The following GCAT variants were observed in gnomAD, a reference collection of about 807,000 sequenced individuals.
GCAT encodes 2-amino-3-ketobutyrate coenzyme A ligase, mitochondrial.
A neutral mutation model predicts 39.7 loss-of-function variants in GCAT; 26 were observed. That is an observed-to-expected ratio of 0.65 (90% CI 0.48 to 0.91). GCAT has a LOEUF of 0.91. GCAT is among the 40% of genes least tolerant of loss of function. GCAT has a pLI of 0.00. For synonymous variants in GCAT, 218 were observed against 237.2 expected (o/e 0.92, Z 0.74); for missense variants, 550 against 576.2 (o/e 0.95, Z 0.47).
chr22:37,810,759 CCCACCTTGG>C (rs900695714), intron 2 of GCAT, among the ~76,000 whole-genome samples: 1 of 152,106 alleles, frequency 6.6e-6, no homozygotes, highest in Non-Finnish European at 1.5e-5. Flanking sequence ...TCGTGATCCA[CCCACCTTGG>C]CCTCCCAAAG....
In GCAT at chr22:37,812,995, G is replaced by A. The variant is rs1165628652; in HGVS notation, c.429+7G>A. On this transcript the variant is annotated splice_region_variant and intron_variant, in intron 3 of 8. Coordinates refer to ENST00000248924, the MANE Select transcript of GCAT (RefSeq NM_014291.4). The stretch of plus-strand genomic sequence containing the variant: ...CAACGCCGGCCTCTTTGAGGTGTGT[G>A]GAAGCTGTCCTGCGGGTGAGGGTTG... 2 of 1,600,124 alleles carry A rather than the reference G, an allele frequency of 1.2e-6. No individual in the cohort carries two copies. The highest frequency in any genetic ancestry group is 2.2e-5 in the East Asian group (1 of 44,812).
intron 4 of GCAT, 149 bp downstream of exon 4, chr22:37,813,758 A>G: frequency 1.4e-6 from 1 of 698,298 alleles, no homozygotes; most frequent in Non-Finnish European, 2.3e-6. Flanking sequence ...TCACACCCAG[A>G]GCATTATTCT....
At chr22:37,810,219 G>A in intron 2 of GCAT, 62 bp downstream of exon 2, 1 of 1,285,214 alleles carries the variant, frequency 7.8e-7, no homozygotes, top group Non-Finnish European at 1.1e-6. Flanking sequence ...CCCACAGTCA[G>A]CAAGGCTGGT....
In GCAT at chr22:37,808,030, G is replaced by C. The variant is rs1299702142; in HGVS notation, c.63G>C (p.Gln21His). ...GGGTGCCCCGCGGCCGCCGCGCACA[G>C]TCAGCGCTGGCCCAGCTGCGTGGCA... is the stretch of plus-strand genomic sequence containing the variant. ...LFWVPRGRRAQSALAQLRGIL... is the reference protein window; with the variant it reads ...LFWVPRGRRAHSALAQLRGIL... The change falls in exon 1 of 9, where the codon CAG (glutamine) becomes CAC (histidine). Residue 21 changes from glutamine to histidine, a missense_variant. Coordinates refer to ENST00000248924, the MANE Select transcript of GCAT (RefSeq NM_014291.4). The C allele has an allele frequency of 1.3e-6, 2 of 1,550,944 alleles. No individual in the cohort carries two copies. The highest frequency in any genetic ancestry group is 1.7e-6 in the Non-Finnish European group (2 of 1,149,088).
intron 6 of GCAT, 32 bp from the exon 7 acceptor site, chr22:37,815,631 A>G (rs999257282): frequency 3.2e-6 from 5 of 1,549,154 alleles, no homozygotes; most frequent in African/African-American, 1.4e-5. Context: ...CCCCTGACCA[A>G]CCCCTCCCCC....
At chr22:37,815,364 A>G (rs372515823) in intron 5 of GCAT, 54 bp from the exon 6 acceptor site, 2 of 1,597,900 alleles carry the variant, frequency 1.3e-6, no homozygotes, top group African/African-American at 1.3e-5. Flanking sequence ...AGCATGATCC[A>G]TAATCCCTGG....
At position 37,815,248 on chromosome 22, in the gene GCAT, C is replaced by T; in HGVS notation, c.699C>T (p.Cys233=). 1 of 1,613,932 alleles carries T rather than the reference C, an allele frequency of 6.2e-7. No homozygotes were observed. ...RYGALVFMDE[C]HATGFLGPTG... is the part of the protein sequence containing the mutation. ...GTGCCCTGGTCTTCATGGATGAATG[C>T]CATGCCACTGGCTTCCTGGGGCCCA... Residue 233 remains cysteine (C), a synonymous_variant, in exon 5 of 9, where the codon TGC becomes TGT. Coordinates refer to ENST00000248924, the MANE Select transcript of GCAT (RefSeq NM_014291.4).
At position 37,813,563 on chromosome 22, in the gene GCAT, G is replaced by A. The variant is rs757053146; in HGVS notation, c.530G>A (p.Arg177His). The A allele has an allele frequency of 3.1e-6, 5 of 1,613,222 alleles. No individual in the cohort carries two copies. Among genetic ancestry groups the A allele is most frequent in the Non-Finnish European group, 4.2e-6 (5 of 1,179,912 alleles). Residue 177 changes from arginine (R) to histidine (H), a missense_variant, in exon 4 of 9, where the codon CGC (arginine) becomes CAC (histidine). Around this residue, in one of 3 missense-constraint regions of GCAT, gnomAD observed 378 missense variants for 390.4 expected, o/e 0.97. Coordinates refer to ENST00000248924, the MANE Select transcript of GCAT (RefSeq NM_014291.4). ...RLCKAHKYRY[R>H]HLDMADLEAK... is the part of the protein sequence containing the mutation. The stretch of plus-strand genomic sequence containing the variant: ...TGCAAGGCCCACAAGTACCGCTATC[G>A]CCACCTGGACATGGCCGACCTAGAA...
Position 37,815,036 on chromosome 22 carries a change from G to T in GCAT, c.577-90G>T, listed in dbSNP as rs1314626383. The T allele has an allele frequency of 1.1e-5, 14 of 1,323,468 alleles. No individual in the cohort carries two copies. In the East Asian group the frequency reaches 3.3e-4, roughly 31 times the overall value. The allele number at this position is 1,323,468 out of a possible 1,614,324, so 82.0% of individuals were successfully genotyped here. A position where few individuals can be genotyped will look rare whatever the true frequency, so the allele number is the denominator to read the frequency against. On this transcript the variant is annotated intron_variant, in intron 4 of 8. Coordinates refer to ENST00000248924, the MANE Select transcript of GCAT (RefSeq NM_014291.4). The stretch of plus-strand genomic sequence containing the variant: ...CACCTCTGTGCTGGGCACTGGGCAG[G>T]ATGAGCTCTCAGAGCTCCAAGCAGC...
intron 6 of GCAT, 62 bp from the exon 7 acceptor site, chr22:37,815,600 AG>A: frequency 3.4e-6 from 5 of 1,487,332 alleles, no homozygotes; most frequent in African/African-American, 1.4e-5. Flanking sequence ...TACTTTCAGG[AG>A]GGGGTTGGGT....
chr22:37,815,585 G>T, intron 6 of GCAT, 78 bp from the exon 7 acceptor site: 1 of 1,486,100 alleles, frequency 6.7e-7, no homozygotes. Context: ...GGGCAGCATG[G>T]ACTGTACTTT....
chr22:37,807,995 G>A lies in GCAT; in HGVS notation c.28G>A (p.Ala10Thr). 4 of 1,539,444 alleles carry A rather than the reference G, an allele frequency of 2.6e-6. No individual in the cohort carries two copies. The highest frequency in any genetic ancestry group is 2.1e-4 in the Middle Eastern group (1 of 4,702). ...GTGGCCTGGGAACGCCTGGCGCGCC[G>A]CACTCTTCTGGGTGCCCCGCGGCCG... The part of the protein sequence containing the change: MWPGNAWRA[A>T]LFWVPRGRRA... The change falls in exon 1 of 9, where the codon GCA (alanine) becomes ACA (threonine). Residue 10 changes from alanine to threonine, a missense_variant. Transcript: ENST00000248924.
chr22:37,814,709 G>A (rs1015233233), intron 4 of GCAT, among the ~76,000 whole-genome samples: 1 of 152,134 alleles, frequency 6.6e-6, no homozygotes, highest in Non-Finnish European at 1.5e-5. Flanking sequence ...TGTTGCCCAG[G>A]TGGGTCTCGA....
Position 37,815,843 on chromosome 22 carries a change from C to T in GCAT, c.986+9C>T, listed in dbSNP as rs2145934225. The T allele has an allele frequency of 6.2e-7, 1 of 1,613,518 alleles. No individual in the cohort carries two copies. Among genetic ancestry groups the T allele is most frequent in the Non-Finnish European group, 8.5e-7 (1 of 1,179,710 alleles). ...GCTGCCAAGACCCAGAGGTGCGACT[C>T]CCAGCAGGGCAGGCTCGGGGGCGGA... On this transcript the variant is annotated intron_variant, in intron 7 of 8. Transcript: ENST00000248924.
At chr22:37,810,578 A>G (rs1400356141) in intron 2 of GCAT, among the ~76,000 whole-genome samples, 2 of 140,012 alleles carry the variant, frequency 1.4e-5, no homozygotes, top group Non-Finnish European at 3.0e-5. Context: ...GTGCGGTGGC[A>G]TGATCTTGGC....
At position 37,815,274 on chromosome 22, in the gene GCAT, C is replaced by G. The variant is rs150003624; in HGVS notation, c.725C>G (p.Thr242Arg). Residue 242 changes from threonine to arginine, a missense_variant, in exon 5 of 9, where the codon ACA becomes AGA. Physicochemically the swap from Thr to Arg is moderately conservative, Grantham distance 71. Around this residue, in one of 3 missense-constraint regions of GCAT, gnomAD observed 378 missense variants for 390.4 expected, o/e 0.97. Coordinates refer to ENST00000248924, the MANE Select transcript of GCAT (RefSeq NM_014291.4). ...CATGCCACTGGCTTCCTGGGGCCCA[C>G]AGGACGGTGGGACCATGTGGCACCT... ...ECHATGFLGP[T>R]GRGTDELLGV... 7,393 of 1,613,598 alleles carry G rather than the reference C, an allele frequency of 4.6e-3. 20 individuals are homozygous for G. The highest frequency in any genetic ancestry group is 5.6e-3 in the Non-Finnish European group (6,558 of 1,179,792).
At position 37,815,772 on chromosome 22, in the gene GCAT, G is replaced by T. The variant is rs1159623613; in HGVS notation, c.924G>T (p.Lys308Asn). The T allele has an allele frequency of 5.0e-6, 8 of 1,613,970 alleles. No homozygotes were observed. Among genetic ancestry groups the T allele is most frequent in the Non-Finnish European group, 6.8e-6 (8 of 1,179,936 alleles). ...CTGCTGTCGTTGGCTGCGCCTCCAA[G>T]GCCCTAGATCTGCTGATGGGGAGTA... ...LPPAVVGCAS[K>N]ALDLLMGSNT... The change falls in exon 7 of 9, where the codon AAG becomes AAT. Residue 308 changes from lysine (K) to asparagine (N), a missense_variant. Around this residue, in one of 3 missense-constraint regions of GCAT, gnomAD observed 378 missense variants for 390.4 expected, o/e 0.97. Coordinates refer to ENST00000248924, the MANE Select transcript of GCAT (RefSeq NM_014291.4).
intron 2 of GCAT, among the ~76,000 whole-genome samples, chr22:37,812,489 C>A (rs1921708492): frequency 6.6e-6 from 1 of 152,176 alleles, no homozygotes; most frequent in African/African-American, 2.4e-5. Flanking sequence ...CACCCAGACC[C>A]AACAGTTTTC....
In GCAT at chr22:37,816,840, C is replaced by T. The variant is rs1002046648; in HGVS notation, c.*122C>T. 5 of 943,484 alleles carry T rather than the reference C, an allele frequency of 5.3e-6. No homozygotes were observed. Among genetic ancestry groups the T allele is most frequent in the African/African-American group, 3.3e-5 (2 of 61,122 alleles). 58.4% of individuals were successfully genotyped at this position (943,484 alleles called of 1,614,324 possible). A position where few individuals can be genotyped will look rare whatever the true frequency, so the allele number is the denominator to read the frequency against. On this transcript the variant is annotated 3_prime_UTR_variant, in exon 9 of 9. Coordinates refer to ENST00000248924, the MANE Select transcript of GCAT (RefSeq NM_014291.4). The stretch of plus-strand genomic sequence containing the variant: ...CCAAAGTCCCAGAGCTGGGCTGGGA[C>T]GTGACCTGTGCTGAGGGCTGTGAGA...
Sources: gnomAD v4.1 joint callset for allele counts (sites outside exome capture counted in the v4.1 genomes callset) on GRCh38, gnomAD v4.1.1 for gene constraint, gnomAD v4.1.1 regional missense constraint, MANE v1.5 for transcripts, NCBI Gene and HGNC (gene_info 2026-07-23, HGNC 2026-07-21) for gene names.